Variants in FOXP1 observed in about 807,000 individuals in gnomAD.
FOXP1 encodes forkhead box P1, also known as forkhead box protein P1.
FOXP1 carries 15 observed loss-of-function variants against 98.2 expected under a neutral mutation model. The ratio of observed to expected loss-of-function variants is 0.15; its 90% confidence interval spans 0.10 to 0.24. The LOEUF is 0.24. Ranked by LOEUF, FOXP1 falls within the 10% of genes least tolerant of loss-of-function variation. The pLI, the probability that FOXP1 is intolerant of heterozygous loss-of-function variation, is 1.00. For missense variants in FOXP1, 633 were observed against 848.5 expected, an observed-to-expected ratio of 0.75 and a Z score of 3.15; for synonymous variants, 371 against 314.5, an observed-to-expected ratio of 1.18 and a Z score of -1.90.
At chr3:70,991,183 G>A (rs2040547448) in intron 13 of FOXP1, among the ~76,000 whole-genome samples, 1 of 152,074 alleles carries the variant, frequency 6.6e-6, no homozygotes, top group Non-Finnish European at 1.5e-5. Flanking sequence ...ACTGGGAAGG[G>A]AAATAATTTT....
chr3:71,582,007 G>C (rs551276494), intron 1 of FOXP1: 7 of 972,824 alleles, frequency 7.2e-6, no homozygotes, highest in South Asian at 4.8e-5. Flanking sequence ...ATACGATCAC[G>C]GGCGCAAGGT....
intron 2 of FOXP1, among the ~76,000 whole-genome samples, chr3:71,522,498 C>T (rs2043066783): frequency 6.6e-6 from 1 of 152,120 alleles, no homozygotes. Context: ...GTGACCTAAG[C>T]CAGGGAATTG....
At chr3:71,043,176 C>G (rs1347445445) in intron 10 of FOXP1, among the ~76,000 whole-genome samples, 2 of 152,172 alleles carry the variant, frequency 1.3e-5, no homozygotes, top group Admixed American at 6.5e-5. Flanking sequence ...ATAAAGGAGG[C>G]TTCAAATGAT....
At chr3:71,475,443 G>C (rs2089744989) in intron 3 of FOXP1, among the ~76,000 whole-genome samples, 1 of 152,162 alleles carries the variant, frequency 6.6e-6, no homozygotes, top group South Asian at 2.1e-4. Context: ...CCATGAGAAA[G>C]GAAGGGTCTG....
At chr3:71,070,515 C>A (rs566754141) in intron 7 of FOXP1, among the ~76,000 whole-genome samples, 1 of 152,144 alleles carries the variant, frequency 6.6e-6, no homozygotes, top group Non-Finnish European at 1.5e-5. Flanking sequence ...ATCCAAAAAA[C>A]GGAAGAGAAA....
intron 6 of FOXP1, among the ~76,000 whole-genome samples, chr3:71,124,130 G>T (rs1318577964): frequency 8.1e-6 from 1 of 123,180 alleles, no homozygotes; most frequent in Non-Finnish European, 1.8e-5. Context: ...AAAAGTTAAA[G>T]TTATATTTTT....
At chr3:71,157,265 G>A (rs1387308736) in intron 6 of FOXP1, among the ~76,000 whole-genome samples, 1 of 152,188 alleles carries the variant, frequency 6.6e-6, no homozygotes, top group Non-Finnish European at 1.5e-5. Context: ...AGGAGAGGGA[G>A]GGGATGGAGG....
At chr3:71,532,763 G>A (rs918904864) in intron 2 of FOXP1, among the ~76,000 whole-genome samples, 8 of 151,884 alleles carry the variant, frequency 5.3e-5, no homozygotes, top group African/African-American at 1.2e-4. Flanking sequence ...CACCTGCCCC[G>A]CCCTTCTGTT....
intron 7 of FOXP1, among the ~76,000 whole-genome samples, chr3:71,093,425 T>C (rs1217728164): frequency 2.0e-5 from 3 of 148,130 alleles, no homozygotes; most frequent in Non-Finnish European, 4.5e-5. Context: ...TTATTTAATG[T>C]AAATACAATT....
intron 3 of FOXP1, among the ~76,000 whole-genome samples, chr3:71,482,403 C>T (rs2090345191): frequency 7.8e-6 from 1 of 128,754 alleles, no homozygotes; most frequent in South Asian, 2.4e-4. Flanking sequence ...GAGTCTTGCT[C>T]AGTCGCCCAG....
At chr3:71,539,892 T>C (rs1394079775) in intron 2 of FOXP1, among the ~76,000 whole-genome samples, 1 of 152,216 alleles carries the variant, frequency 6.6e-6, no homozygotes, top group African/African-American at 2.4e-5. Context: ...TCAAGATTCA[T>C]GTCAGGCTTT....
intron 6 of FOXP1, among the ~76,000 whole-genome samples, chr3:71,143,894 GGCTAAGTAAA>G (rs1308437415): frequency 6.6e-6 from 1 of 152,050 alleles, no homozygotes; most frequent in East Asian, 1.9e-4. Context: ...TGGAAGATGG[GGCTAAGTAAA>G]TATATAAAAA....
chr3:71,561,326 G>A (rs552090164), intron 2 of FOXP1, among the ~76,000 whole-genome samples: 53 of 148,546 alleles, frequency 3.6e-4, no homozygotes, highest in African/African-American at 1.0e-3. Context: ...GATTATAGGC[G>A]TGAACTACCA....
At chr3:71,216,426 C>A (rs191457910) in intron 5 of FOXP1, among the ~76,000 whole-genome samples, 66 of 152,270 alleles carry the variant, frequency 4.3e-4, no homozygotes, top group African/African-American at 1.5e-3. Flanking sequence ...CCCGTCAACT[C>A]AAGAATGTCC....
chr3:71,175,195 A>G (rs564626951), intron 6 of FOXP1, among the ~76,000 whole-genome samples: 1 of 152,298 alleles, frequency 6.6e-6, no homozygotes, highest in East Asian at 1.9e-4. Flanking sequence ...TACAGGCTTG[A>G]GCCACCGCAC....
At chr3:71,067,761 C>CACACACACACACAT (rs1214481591) in intron 7 of FOXP1, among the ~76,000 whole-genome samples, 2 of 150,610 alleles carry the variant, frequency 1.3e-5, no homozygotes, top group Non-Finnish European at 3.0e-5. Context: ...CACACACACA[C>CACACACACACACAT]ACAATTAGCC....
chr3:71,212,755 C>A (rs2064584549), intron 5 of FOXP1, among the ~76,000 whole-genome samples: 1 of 152,002 alleles, frequency 6.6e-6, no homozygotes, highest in South Asian at 2.1e-4. Context: ...CACTGATGAC[C>A]CAGCATTAGC....
chr3:71,520,319 T>C (rs901108487), intron 2 of FOXP1, among the ~76,000 whole-genome samples: 2 of 152,202 alleles, frequency 1.3e-5, no homozygotes, highest in African/African-American at 4.8e-5. Flanking sequence ...AAAACATATA[T>C]CCATTTCTTA....
chr3:71,371,876 G>C (rs2079346325), intron 3 of FOXP1, among the ~76,000 whole-genome samples: 1 of 152,088 alleles, frequency 6.6e-6, no homozygotes, highest in Non-Finnish European at 1.5e-5. Flanking sequence ...TAACCACATG[G>C]AGCCACACTG....
Sources: gnomAD v4.1 joint callset for allele counts (sites outside exome capture counted in the v4.1 genomes callset) on GRCh38, gnomAD v4.1.1 for gene constraint, MANE v1.5 for transcripts, NCBI Gene and HGNC (gene_info 2026-07-23, HGNC 2026-07-21) for gene names.